TNRC18: variants seen among roughly 807,000 people sequenced by gnomAD.
TNRC18 encodes the protein trinucleotide repeat containing 18, also known as trinucleotide repeat-containing gene 18 protein.
TNRC18 carries 69 observed loss-of-function variants against 226.7 expected under a neutral mutation model. The observed-to-expected ratio is 0.30, with a 90% CI of 0.25 to 0.37. The LOEUF is 0.37. Among genes scored for constraint, TNRC18 ranks in the 10% least tolerant of loss-of-function variants. The pLI, the probability that TNRC18 is intolerant of heterozygous loss-of-function variation, is 1.00. For missense variants in TNRC18, 4,754 were observed against 4,256.6 expected (o/e 1.12, Z -3.25); for synonymous variants, 2,449 against 1,927.6 (o/e 1.27, Z -7.09).
intron 19 of TNRC18, among the ~76,000 whole-genome samples, chr7:5,331,033 C>T (rs899168474): frequency 7.9e-5 from 12 of 152,134 alleles, no homozygotes; most frequent in African/African-American, 2.9e-4. Flanking sequence ...CTTCAAAAAC[C>T]TGAGATGGCC....
Position 5,332,700 on chromosome 7 carries a change from G to A in TNRC18, c.6069C>T (p.Thr2023=). Residue 2023 remains threonine (T), a synonymous_variant, in exon 19 of 30, where the codon ACC becomes ACT. Transcript: ENST00000430969. Reference sequence around the variant, plus strand: ...GGGGGCCGCCCTTGGCGCAGCGGCTGGTCTTGGTGGCGGGCGCGGTGCTGA... The same window carrying A: ...GGGGGCCGCCCTTGGCGCAGCGGCTAGTCTTGGTGGCGGGCGCGGTGCTGA... The part of the protein sequence containing the change: ...APVSTAPATK[T]SRCAKGGPLS... The A allele has an allele frequency of 6.5e-7, 1 of 1,530,866 alleles. No homozygotes were observed. Among genetic ancestry groups the A allele is most frequent in the Non-Finnish European group, 8.8e-7 (1 of 1,142,306 alleles). The allele number at this position is 1,530,866 out of a possible 1,614,324, so 94.8% of individuals were successfully genotyped here.
intron 17 of TNRC18, among the ~76,000 whole-genome samples, chr7:5,346,321 G>C (rs988001831): frequency 6.6e-6 from 1 of 152,198 alleles, no homozygotes; most frequent in African/African-American, 2.4e-5. Context: ...GCAGGAGAAA[G>C]TGGAGTTCGG....
chr7:5,383,122 C>T (rs1779514009), intron 5 of TNRC18, among the ~76,000 whole-genome samples: 1 of 152,086 alleles, frequency 6.6e-6, no homozygotes, highest in African/African-American at 2.4e-5. Context: ...GGCTAGTCTC[C>T]CAACTCCTGA....
At chr7:5,374,017 G>A (rs370749266) in intron 10 of TNRC18, 38 bp downstream of exon 10, 250 of 1,457,576 alleles carry the variant, frequency 1.7e-4, no homozygotes, top group Admixed American at 1.0e-4. Flanking sequence ...CCGCTCCAGG[G>A]GCAGAGTGAG....
At chr7:5,351,667 C>T in intron 17 of TNRC18, 152 bp downstream of exon 17, 1 of 810,002 alleles carries the variant, frequency 1.2e-6, no homozygotes. Context: ...GCTACGCTGC[C>T]AAGAACCCAG....
intron 19 of TNRC18, among the ~76,000 whole-genome samples, chr7:5,328,140 C>A (rs937599005): frequency 6.6e-6 from 1 of 152,134 alleles, no homozygotes; most frequent in East Asian, 1.9e-4. Flanking sequence ...ATCACTTGAA[C>A]CCGGGAGGCA....
Position 5,345,703 on chromosome 7 carries a change from G to C in TNRC18, c.5578C>G (p.Leu1860Val), listed in dbSNP as rs958309479. The change falls in exon 18 of 30, where the codon CTG becomes GTG. Residue 1860 changes from leucine (L) to valine (V), a missense_variant. Physicochemically the swap from Leu to Val is conservative, Grantham distance 32 (BLOSUM62 1). Coordinates refer to ENST00000430969, the MANE Select transcript of TNRC18 (RefSeq NM_001080495.3). ...AGCAGGCCCAGCCCACTCTCCTCCA[G>C]GCCCGGTGACAGGGCCCGCTCCCGG... ...GARERALSPG[L>V]EESGLGLLAR... is the part of the protein sequence containing the mutation. 1 of 1,548,974 alleles carries C rather than the reference G, an allele frequency of 6.5e-7. No homozygotes were observed. The highest frequency in any genetic ancestry group is 1.4e-5 in the African/African-American group (1 of 72,980).
At chr7:5,401,884 C>A (rs770569613) in intron 2 of TNRC18, among the ~76,000 whole-genome samples, 14 of 152,072 alleles carry the variant, frequency 9.2e-5, no homozygotes, top group Non-Finnish European at 1.8e-4. Flanking sequence ...AGCTTAAGAA[C>A]GGCCTGGTTG....
Position 5,388,347 on chromosome 7 carries a change from G to A in TNRC18, c.1477C>T (p.Leu493Phe), listed in dbSNP as rs765782261. The A allele has an allele frequency of 1.8e-5, 28 of 1,585,348 alleles. No homozygotes were observed. Among genetic ancestry groups the A allele is most frequent in the Non-Finnish European group, 2.1e-5 (25 of 1,168,164 alleles). The stretch of plus-strand genomic sequence containing the variant: ...GGGCGCCCGGGCTCCAGGCCGAAGA[G>A]CTTGGCGGCCTGTTGGGCTGCAGGA... ...AGPAAQQAAK[L>F]FGLEPGRPPP... The change falls in exon 5 of 30, where the codon CTC becomes TTC. Residue 493 changes from leucine (L) to phenylalanine (F), a missense_variant. Physicochemically the swap from Leu to Phe is conservative, Grantham distance 22. Transcript: ENST00000430969.
chr7:5,395,693 C>T (rs1191785253), intron 2 of TNRC18, among the ~76,000 whole-genome samples: 1 of 152,230 alleles, frequency 6.6e-6, no homozygotes, highest in African/African-American at 2.4e-5. Flanking sequence ...TGTTTAACCA[C>T]AATGACAATA....
In TNRC18 at chr7:5,374,294, C is replaced by T. The variant is rs774416797; in HGVS notation, c.2990G>A (p.Arg997His). 4.4e-5 allele frequency: 65 copies of T among 1,463,006 alleles called. No homozygotes were observed. Among genetic ancestry groups the T allele is most frequent in the Middle Eastern group, 5.0e-4 (2 of 4,022 alleles). The allele number at this position is 1,463,006 out of a possible 1,614,324, so 90.6% of individuals were successfully genotyped here. Reference protein sequence around the residue: ...GKAVSPPPSPRASPVAALKAK... With the variant: ...GKAVSPPPSPHASPVAALKAK... ...CTTCAGGGCAGCCACAGGGGATGCG[C>T]GGGGTGATGGTGGCGGGCTCACGGC... Residue 997 changes from arginine to histidine, a missense_variant, in exon 10 of 30, where the codon CGC (arginine) becomes CAC (histidine). Transcript: ENST00000430969.
At chr7:5,319,681 G>C (rs574886982) in intron 24 of TNRC18, among the ~76,000 whole-genome samples, 1 of 152,074 alleles carries the variant, frequency 6.6e-6, no homozygotes, top group Non-Finnish European at 1.5e-5. Context: ...GCTAATTTTT[G>C]TATTTTTAGT....
At position 5,316,169 on chromosome 7, in the gene TNRC18, C is replaced by T. The variant is rs549806484; in HGVS notation, c.6746-97G>A. On this transcript the variant is annotated intron_variant, in intron 24 of 29. Transcript: ENST00000430969. ...TGGCAGAAACCGGCCCCTGTGCAGC[C>T]CTGGTCTCTATGGTACAGCAGTGGG... 3.6e-5 allele frequency: 31 copies of T among 860,278 alleles called. No individual in the cohort carries two copies. The East Asian group carries it at 7.7e-4, about 21-fold the overall frequency. 53.3% of individuals were successfully genotyped at this position (860,278 alleles called of 1,614,324 possible). A position where few individuals can be genotyped will look rare whatever the true frequency, so the allele number is the denominator to read the frequency against.
intron 2 of TNRC18, among the ~76,000 whole-genome samples, chr7:5,396,088 T>C (rs1338060895): frequency 1.3e-5 from 2 of 149,166 alleles, no homozygotes; most frequent in Non-Finnish European, 3.0e-5. Context: ...GGAGAATCAC[T>C]TGAAGCCCGG....
rs1168925708 is a variant in TNRC18 at position 5,356,915 on chromosome 7, C to T, written c.5194+1G>A. Reference sequence around the variant, plus strand: ...GAGGTGGCGCGGCATACGCTACTTACTGTAAGAGTAGCTGCTCACTTCCGA... The same window carrying T: ...GAGGTGGCGCGGCATACGCTACTTATTGTAAGAGTAGCTGCTCACTTCCGA... On this transcript the variant is annotated splice_donor_variant, in intron 16 of 29. Transcript: ENST00000430969. LOFTEE classifies it high-confidence loss of function. The T allele has an allele frequency of 4.5e-6, 7 of 1,540,566 alleles. No homozygotes were observed. The Admixed American group carries it at 6.1e-5, about 13-fold the overall frequency.
chr7:5,390,991 A>G (rs549422918), intron 3 of TNRC18, among the ~76,000 whole-genome samples: 29 of 152,284 alleles, frequency 1.9e-4, no homozygotes, highest in African/African-American at 6.5e-4. Context: ...TCCTCACTTT[A>G]AAGACGAGAA....
intron 18 of TNRC18, among the ~76,000 whole-genome samples, chr7:5,334,176 G>C (rs73673116): frequency 0.03 from 4,559 of 152,320 alleles, 213 homozygotes; most frequent in African/African-American, 0.098. Context: ...TGACCCCGGG[G>C]GGCAGCCGTG....
At chr7:5,350,524 G>T (rs879893718) in intron 17 of TNRC18, among the ~76,000 whole-genome samples, 2 of 152,182 alleles carry the variant, frequency 1.3e-5, no homozygotes, top group Non-Finnish European at 2.9e-5. Context: ...CTTCCTCAGG[G>T]AGTAGCTGAC....
At chr7:5,325,291 A>T in intron 19 of TNRC18, 43 bp from the exon 20 acceptor site, 1 of 1,537,690 alleles carries the variant, frequency 6.5e-7, no homozygotes, top group Non-Finnish European at 8.7e-7. Context: ...AACGGCAGGG[A>T]AAGCACAGGC....
Sources: gnomAD v4.1 joint callset for allele counts (sites outside exome capture counted in the v4.1 genomes callset) on GRCh38, gnomAD v4.1.1 for gene constraint, MANE v1.5 for transcripts, NCBI Gene and HGNC (gene_info 2026-07-23, HGNC 2026-07-21) for gene names.